The following FGFR2 variants were observed in gnomAD, a reference collection of about 807,000 sequenced individuals.
FGFR2 encodes the protein BEK fibroblast growth factor receptor.
FGFR2 carries 19 observed loss-of-function variants against 95.9 expected under a neutral mutation model. That is an observed-to-expected ratio of 0.20 (90% CI 0.14 to 0.29). FGFR2 has a LOEUF of 0.29. FGFR2 is among the 10% of genes least tolerant of loss of function. The pLI, the probability that FGFR2 is intolerant of heterozygous loss-of-function variation, is 1.00. For missense variants in FGFR2, 707 were observed against 1,056.9 expected, an observed-to-expected ratio of 0.67 and a Z score of 4.59; for synonymous variants, 392 against 393.3, an observed-to-expected ratio of 1.00 and a Z score of 0.04.
intron 2 of FGFR2, among the ~76,000 whole-genome samples, chr10:121,580,117 G>A (rs897855513): frequency 2.6e-5 from 4 of 152,134 alleles, no homozygotes; most frequent in East Asian, 1.9e-4. Context: ...CCCACACTGC[G>A]CACTTTCTGA....
At chr10:121,574,316 G>A (rs1859338331) in intron 2 of FGFR2, among the ~76,000 whole-genome samples, 1 of 152,046 alleles carries the variant, frequency 6.6e-6, no homozygotes, top group South Asian at 2.1e-4. Context: ...ATCACTTGAG[G>A]TCAGGAGTTC....
chr10:121,508,617 T>G (rs533559427), intron 9 of FGFR2, among the ~76,000 whole-genome samples: 2 of 152,346 alleles, frequency 1.3e-5, no homozygotes, highest in Non-Finnish European at 1.5e-5. Flanking sequence ...AGAAAGCCTT[T>G]ATCAACTTTA....
At chr10:121,572,986 A>G (rs947359712) in intron 2 of FGFR2, among the ~76,000 whole-genome samples, 1 of 152,252 alleles carries the variant, frequency 6.6e-6, no homozygotes, top group Non-Finnish European at 1.5e-5. Context: ...TTCACTGCAC[A>G]CATCCAGCTG....
At chr10:121,589,590 C>A (rs1236885166) in intron 2 of FGFR2, among the ~76,000 whole-genome samples, 12 of 152,070 alleles carry the variant, frequency 7.9e-5, no homozygotes, top group African/African-American at 2.9e-4. Context: ...ACACATATAC[C>A]CCAAATTTGA....
intron 2 of FGFR2, among the ~76,000 whole-genome samples, chr10:121,571,875 G>A (rs966621163): frequency 4.6e-5 from 7 of 151,844 alleles, no homozygotes; most frequent in African/African-American, 7.3e-5. Context: ...CCCAGAAGCT[G>A]GAGGTTGTGG....
intron 14 of FGFR2, among the ~76,000 whole-genome samples, chr10:121,487,725 A>G (rs1186663514): frequency 1.3e-5 from 2 of 152,258 alleles, no homozygotes; most frequent in African/African-American, 2.4e-5. Context: ...TTTTGCTATG[A>G]AAGTTCTTGA....
intron 16 of FGFR2, among the ~76,000 whole-genome samples, chr10:121,484,849 G>A (rs574617591): frequency 3.3e-5 from 5 of 152,158 alleles, no homozygotes; most frequent in African/African-American, 7.2e-5. Flanking sequence ...GAGTTCCTTC[G>A]CTCTGAGGAA....
rs149565176 is a variant in FGFR2, at chr10:121,499,504, G to A, written c.1562-899C>T. The stretch of plus-strand genomic sequence containing the variant: ...TGAGGAGGGAGGGAGACACAGCCGT[G>A]GGCTGTAAGAAAGGACACGCCACAA... On this transcript the variant is annotated intron_variant, in intron 11 of 17. Coordinates refer to ENST00000358487, the MANE Select transcript of FGFR2 (RefSeq NM_000141.5). Among the ~76,000 whole-genome samples the A allele has an allele frequency of 1.1e-3, 171 of 152,354 alleles. 1 individual carries two copies. Among genetic ancestry groups the A allele is most frequent in the Non-Finnish European group, 1.8e-3 (125 of 68,044 alleles).
At chr10:121,491,280 C>T (rs1194420997) in intron 13 of FGFR2, among the ~76,000 whole-genome samples, 2 of 152,096 alleles carry the variant, frequency 1.3e-5, no homozygotes, top group African/African-American at 4.8e-5. Flanking sequence ...GACTTGGAAC[C>T]CACACCCGAG....
In FGFR2 at chr10:121,533,902, A is replaced by AG. The variant is rs199732457; in HGVS notation, c.748+4689dup. On this transcript the variant is annotated intron_variant, in intron 6 of 17. Coordinates refer to ENST00000358487, the MANE Select transcript of FGFR2 (RefSeq NM_000141.5). ...AACTTCCTCCACTGCAAAGTGGGGG[A>AG]GGGGAGGGGTGGGCGTAAAGAAGCC... Among the ~76,000 whole-genome samples, 396 of 152,002 alleles carry AG rather than the reference A, an allele frequency of 2.6e-3. 1 individual carries two copies. Among genetic ancestry groups the AG allele is most frequent in the African/African-American group, 8.4e-3 (350 of 41,466 alleles).
At chr10:121,592,684 A>T (rs1191350132) in intron 2 of FGFR2, among the ~76,000 whole-genome samples, 1 of 152,112 alleles carries the variant, frequency 6.6e-6, no homozygotes, top group Non-Finnish European at 1.5e-5. Flanking sequence ...CCACTGGGTA[A>T]GTGTGCTGTT....
Position 121,517,169 on chromosome 10 carries a change from T to A in FGFR2, c.1084+150A>T, listed in dbSNP as rs749365248. Reference sequence around the variant, plus strand: ...CACTGTGTGTGAATTTCCAAGGCAGTTTTCTTATCCCTGAGGGATCATTTT... The same window carrying A: ...CACTGTGTGTGAATTTCCAAGGCAGATTTCTTATCCCTGAGGGATCATTTT... On this transcript the variant is annotated intron_variant, in intron 8 of 17. Coordinates refer to ENST00000358487, the MANE Select transcript of FGFR2 (RefSeq NM_000141.5). This position sits in a 1 kb window ranked among gnomAD's most constrained non-coding sequence, Gnocchi z 4.7. 2.3e-5 allele frequency: 20 copies of A among 871,868 alleles called. No homozygotes were observed. The highest frequency in any genetic ancestry group is 4.3e-4 in the Middle Eastern group (2 of 4,608). 54.0% of individuals were successfully genotyped at this position (871,868 alleles called of 1,614,324 possible).
Position 121,496,634 on chromosome 10 carries a change from G to A in FGFR2, c.1761C>T (p.Ser587=), listed in dbSNP as rs147173572. 3.0e-5 allele frequency: 48 copies of A among 1,612,666 alleles called. No homozygotes were observed. The African/African-American group carries it at 6.4e-4, about 22-fold the overall frequency. Residue 587 remains serine, a synonymous_variant, in exon 13 of 18, where the codon TCC becomes TCT. Coordinates refer to ENST00000358487, the MANE Select transcript of FGFR2 (RefSeq NM_000141.5). ...RARRPPGMEY[S]YDINRVPEEQ... Reference sequence around the variant, plus strand: ...CCTCAGGAACACGGTTAATGTCATAGGAGTACTCCATCCCGGGTGGCCTCC... The same window carrying A: ...CCTCAGGAACACGGTTAATGTCATAAGAGTACTCCATCCCGGGTGGCCTCC...
At chr10:121,539,845 A>G (rs1853429788) in intron 5 of FGFR2, among the ~76,000 whole-genome samples, 1 of 152,244 alleles carries the variant, frequency 6.6e-6, no homozygotes, top group African/African-American at 2.4e-5. Flanking sequence ...ACTAGAGAAT[A>G]AAGAAAATCA....
rs2135488209 is a variant in FGFR2 at position 121,593,871 on chromosome 10, C to T, written c.-54G>A. ...CCATATCTCCATGTGGACGTTAATCCCATCTGCACACTTCCTCTACGGGCA... is the reference window on the plus strand; with the variant it reads ...CCATATCTCCATGTGGACGTTAATCTCATCTGCACACTTCCTCTACGGGCA... On this transcript the variant is annotated 5_prime_UTR_variant, in exon 2 of 18. It introduces an in-frame stop codon into an upstream open reading frame of the 5' UTR. Coordinates refer to ENST00000358487, the MANE Select transcript of FGFR2 (RefSeq NM_000141.5). 6.6e-7 allele frequency: 1 copy of T among 1,511,162 alleles called. No individual in the cohort carries two copies. 93.6% of individuals were successfully genotyped at this position (1,511,162 alleles called of 1,614,324 possible).
At chr10:121,532,600 G>A (rs548742883) in intron 6 of FGFR2, among the ~76,000 whole-genome samples, 11 of 152,224 alleles carry the variant, frequency 7.2e-5, no homozygotes, top group South Asian at 6.2e-4. Flanking sequence ...GAGGGACTCC[G>A]CCGTGCCTCC....
At chr10:121,510,075 C>G (rs774554920) in intron 9 of FGFR2, among the ~76,000 whole-genome samples, 15 of 152,158 alleles carry the variant, frequency 9.9e-5, no homozygotes, top group Admixed American at 6.5e-4. Flanking sequence ...ATGCTTTCAC[C>G]ACCGCAAGCT....
At chr10:121,549,809 C>T (rs1279330101) in intron 5 of FGFR2, among the ~76,000 whole-genome samples, 1 of 152,192 alleles carries the variant, frequency 6.6e-6, no homozygotes, top group African/African-American at 2.4e-5. Context: ...ATTAACCCTT[C>T]CAATGAGACC....
Position 121,517,886 on chromosome 10 carries a change from T to A in FGFR2, c.940-423A>T, listed in dbSNP as rs1849904178. The stretch of plus-strand genomic sequence containing the variant: ...ATTGCTGTGTTTTAAGACAACACAC[T>A]GCACATAAGCCCAGATGGACACCTC... On this transcript the variant is annotated intron_variant, in intron 7 of 17. Coordinates refer to ENST00000358487, the MANE Select transcript of FGFR2 (RefSeq NM_000141.5). This position sits in a 1 kb window ranked among gnomAD's most constrained non-coding sequence, Gnocchi z 4.7. 6.6e-6 allele frequency among the ~76,000 whole-genome samples: 1 copy of A among 152,022 alleles called. No homozygotes were observed. Among genetic ancestry groups the A allele is most frequent in the African/African-American group, 2.4e-5 (1 of 41,384 alleles).
Sources: gnomAD v4.1 joint callset for allele counts (sites outside exome capture counted in the v4.1 genomes callset) on GRCh38, gnomAD v4.1.1 for gene constraint, Gnocchi (gnomAD v3.1) non-coding constraint, MANE v1.5 for transcripts, NCBI Gene and HGNC (gene_info 2026-07-23, HGNC 2026-07-21) for gene names.